The following CACNA1H variants were observed in gnomAD, a reference collection of about 807,000 sequenced individuals.
CACNA1H encodes the protein voltage-dependent T-type calcium channel subunit alpha-1H.
A neutral mutation model predicts 192.5 loss-of-function variants in CACNA1H; 149 were observed. That is an observed-to-expected ratio of 0.77 (90% confidence interval 0.68 to 0.89). The LOEUF (loss-of-function observed/expected upper bound fraction) is 0.89. Among genes scored for constraint, CACNA1H ranks in the 40% least tolerant of loss-of-function variants. The probability of loss-of-function intolerance (pLI) is 0.00; values close to 1 mark genes in which losing one functional copy is unlikely to be tolerated. For synonymous variants in CACNA1H, 2,202 were observed against 1,475.2 expected (o/e 1.49, Z -11.29); for missense variants, 4,257 against 3,423.5 (o/e 1.24, Z -6.08).
intron 7 of CACNA1H, 71 bp from the exon 8 acceptor site, chr16:1,200,645 C>T (rs1204664872): frequency 6.3e-7 from 1 of 1,585,544 alleles, no homozygotes; most frequent in African/African-American, 1.3e-5. Context: ...CCCCCCCCAG[C>T]CCAGACCCCA....
In CACNA1H at chr16:1,200,345, G is replaced by A; in HGVS notation, c.893G>A (p.Gly298Asp). The change falls in exon 7 of 35, where the codon GGC (glycine) becomes GAC (aspartate). Residue 298 changes from glycine (G) to aspartate (D), a missense_variant. By Grantham distance (94) the Gly-to-Asp change is moderately conservative (BLOSUM62 -1). Transcript: ENST00000348261. ...ATCTGCTCCTCACGCCGAGACAACGGCATGCAGAAGTGCTCGCACATCCCC... is the reference window on the plus strand; with the variant it reads ...ATCTGCTCCTCACGCCGAGACAACGACATGCAGAAGTGCTCGCACATCCCC... Reference protein sequence around the residue: ...PFICSSRRDNGMQKCSHIPGR... With the variant: ...PFICSSRRDNDMQKCSHIPGR... The A allele has an allele frequency of 6.2e-7, 1 of 1,601,934 alleles. No individual in the cohort carries two copies. Among genetic ancestry groups the A allele is most frequent in the Non-Finnish European group, 8.5e-7 (1 of 1,174,912 alleles).
chr16:1,210,370 G>T lies in CACNA1H; in HGVS notation c.3846G>T (p.Arg1282=). Residue 1282 remains arginine, a splice_region_variant and synonymous_variant, in exon 19 of 35, where the codon CGG becomes CGT. Transcript: ENST00000348261. ...CTCTCACCCGCCCCCGCCCACCCAG[G>T]TTCCGCGTCTCCTGCCAGAAGGTCA... The part of the protein sequence containing the change: ...WALYLFSPQN[R]FRVSCQKVIT... 4 of 500,888 alleles carry T rather than the reference G, an allele frequency of 8.0e-6. No individual in the cohort carries two copies. Among genetic ancestry groups the T allele is most frequent in the Non-Finnish European group, 1.4e-5 (4 of 283,788 alleles). 31.0% of individuals were successfully genotyped at this position (500,888 alleles called of 1,614,324 possible). A position where few individuals can be genotyped will look rare whatever the true frequency, so the allele number is the denominator to read the frequency against.
intron 6 of CACNA1H, among the ~76,000 whole-genome samples, chr16:1,199,736 G>C (rs538704499): frequency 1.4e-5 from 2 of 145,278 alleles, no homozygotes; most frequent in South Asian, 4.5e-4. Context: ...AGGGTCCCCT[G>C]AGCCCACACC....
rs149367557 is a variant in CACNA1H, at chr16:1,215,066, G to A, written c.5024G>A (p.Arg1675Gln). ...AAGCTGGTAGCATTTGGGTTCCGTCGGTTCTTCAAGGACAGGTGTGTGTGG... is the reference window on the plus strand; with the variant it reads ...AAGCTGGTAGCATTTGGGTTCCGTCAGTTCTTCAAGGACAGGTGTGTGTGG... ...ALKLVAFGFRRFFKDRWNQLD... is the reference protein window; with the variant it reads ...ALKLVAFGFRQFFKDRWNQLD... The change falls in exon 28 of 35, where the codon CGG becomes CAG. Residue 1675 changes from arginine to glutamine, a missense_variant. By Grantham distance (43) the Arg-to-Gln change is conservative. Transcript: ENST00000348261. The A allele has an allele frequency of 9.6e-5, 155 of 1,611,924 alleles. No homozygotes were observed. Among genetic ancestry groups the A allele is most frequent in the East Asian group, 2.5e-4 (11 of 44,810 alleles).
chr16:1,180,670 T>TGGGCAGGGCG lies in CACNA1H; in HGVS notation c.300-14293_300-14284dup, dbSNP rs1326388208. Reference sequence around the variant, plus strand: ...TTCCCGGGGCAGGTAGGGAGGGGCCTGGGCAGGGCGGGGCAGGGAGGGATG... The same window carrying TGGGCAGGGCG: ...TTCCCGGGGCAGGTAGGGAGGGGCCTGGGCAGGGCGGGGCAGGGCGGGGCAGGGAGGGATG... On this transcript the variant is annotated intron_variant, in intron 2 of 34. Transcript: ENST00000348261. The surrounding 1 kb of genome is among the most constrained non-coding windows in gnomAD (Gnocchi z 4.4). 9.8e-6 allele frequency among the ~76,000 whole-genome samples: 1 copy of TGGGCAGGGCG among 101,690 alleles called. No homozygotes were observed. Among genetic ancestry groups the TGGGCAGGGCG allele is most frequent in the African/African-American group, 3.7e-5 (1 of 27,166 alleles). 66.7% of individuals were successfully genotyped at this position (101,690 alleles called of 152,430 possible). A position where few individuals can be genotyped will look rare whatever the true frequency, so the allele number is the denominator to read the frequency against.
At chr16:1,198,526 ACGGGGCTCGGGGGTCC>A (rs1967272468) in intron 5 of CACNA1H, 73 bp from the exon 6 acceptor site, 6 of 1,439,812 alleles carry the variant, frequency 4.2e-6, no homozygotes, top group Admixed American at 1.7e-5. Flanking sequence ...TGAACAGTGG[ACGGGGCTCGGGGGTCC>A]CGGGAGGGGC....
Position 1,221,098 on chromosome 16 carries a change from C to A in CACNA1H, c.*104C>A. 1.1e-6 allele frequency: 1 copy of A among 904,758 alleles called. No homozygotes were observed. Among genetic ancestry groups the A allele is most frequent in the Non-Finnish European group, 1.6e-6 (1 of 611,482 alleles). The allele number at this position is 904,758 out of a possible 1,614,324, so 56.0% of individuals were successfully genotyped here. A position where few individuals can be genotyped will look rare whatever the true frequency, so the allele number is the denominator to read the frequency against. ...GCATGGACCCTGACTTGGGTCCCGT[C>A]GTGAGCAGAAAGGCCCGGGGAGGAT... On this transcript the variant is annotated 3_prime_UTR_variant, in exon 35 of 35. Transcript: ENST00000348261.
intron 1 of CACNA1H, 46 bp downstream of exon 1, chr16:1,153,516 G>A (rs1488446229): frequency 3.5e-6 from 1 of 285,884 alleles, no homozygotes; most frequent in Non-Finnish European, 6.4e-6. Flanking sequence ...TTCAACTTGC[G>A]CGAAGCGGGC....
intron 4 of CACNA1H, 21 bp downstream of exon 4, chr16:1,195,586 GC>G: frequency 6.3e-7 from 1 of 1,583,512 alleles, no homozygotes; most frequent in South Asian, 1.2e-5. Context: ...CCTGGGAGAG[GC>G]CACAGCGCTG....
chr16:1,210,094 C>G lies in CACNA1H; in HGVS notation c.3804C>G (p.Ser1268Arg), dbSNP rs750607074. The G allele has an allele frequency of 2.6e-6, 4 of 1,559,952 alleles. No individual in the cohort carries two copies. The South Asian group carries it at 4.7e-5, about 18-fold the overall frequency. ...CCTACAAGCCCCAGTGGTGCCGGAG[C>G]CGCGAGGCCTGGGCCCTCTACCTCT... Reference protein sequence around the residue: ...LEPYKPQWCRSREAWALYLFS... With the variant: ...LEPYKPQWCRRREAWALYLFS... Residue 1268 changes from serine (S) to arginine (R), a missense_variant, in exon 18 of 35, where the codon AGC becomes AGG. Coordinates refer to ENST00000348261, the MANE Select transcript of CACNA1H (RefSeq NM_021098.3).
rs1424923427 is a variant in CACNA1H, at chr16:1,200,313, C to T, written c.861C>T (p.Asn287=). ...ACCAGACGGAGGAGGGCGAGGAGAA[C>T]CCGTTCATCTGCTCCTCACGCCGAG... ...PYYQTEEGEE[N]PFICSSRRDN... is the part of the protein sequence containing the mutation. Residue 287 remains asparagine (N), a synonymous_variant, in exon 7 of 35, where the codon AAC becomes AAT. Coordinates refer to ENST00000348261, the MANE Select transcript of CACNA1H (RefSeq NM_021098.3). The T allele has an allele frequency of 8.7e-6, 14 of 1,606,260 alleles. No homozygotes were observed. In the East Asian group the frequency reaches 2.0e-4, roughly 23 times the overall value.
chr16:1,188,863 G>A (rs1167441273), intron 2 of CACNA1H, among the ~76,000 whole-genome samples: 3 of 152,172 alleles, frequency 2.0e-5, no homozygotes, highest in Non-Finnish European at 2.9e-5. Flanking sequence ...AGGCCCAGGC[G>A]AGGCTGCTGA....
intron 2 of CACNA1H, among the ~76,000 whole-genome samples, chr16:1,168,484 C>A (rs1160100962): frequency 6.6e-6 from 1 of 152,024 alleles, no homozygotes; most frequent in Non-Finnish European, 1.5e-5. Context: ...GGGGACCCTC[C>A]AGCTTCCCTG....
At chr16:1,175,127 G>A (rs1056318659) in intron 2 of CACNA1H, among the ~76,000 whole-genome samples, 10 of 151,934 alleles carry the variant, frequency 6.6e-5, no homozygotes, top group African/African-American at 2.2e-4. Context: ...GCAGGCCAAC[G>A]CCCACTGCCC....
chr16:1,219,196 C>G, intron 34 of CACNA1H, 66 bp downstream of exon 34: 3 of 1,416,958 alleles, frequency 2.1e-6, no homozygotes, highest in Non-Finnish European at 9.4e-7. Flanking sequence ...GATGCCTCGT[C>G]TCATCTGAAG....
chr16:1,208,559 G>A (rs1173937596), intron 16 of CACNA1H, among the ~76,000 whole-genome samples: 1 of 152,202 alleles, frequency 6.6e-6, no homozygotes, highest in Admixed American at 6.5e-5. Context: ...GCCACCAGAA[G>A]CAGCCCGATT....
chr16:1,214,169 G>A (rs1319064332), intron 27 of CACNA1H, among the ~76,000 whole-genome samples: 1 of 152,126 alleles, frequency 6.6e-6, no homozygotes, highest in African/African-American at 2.4e-5. Context: ...GGGCTGGCGG[G>A]AGGTGAGTGT....
intron 5 of CACNA1H, among the ~76,000 whole-genome samples, chr16:1,197,770 A>G (rs1480937527): frequency 6.6e-6 from 1 of 152,124 alleles, no homozygotes; most frequent in Non-Finnish European, 1.5e-5. Context: ...GCTGGGTGAG[A>G]ACTCAGCGTC....
At chr16:1,174,126 A>T (rs1308838441) in intron 2 of CACNA1H, among the ~76,000 whole-genome samples, 1 of 152,170 alleles carries the variant, frequency 6.6e-6, no homozygotes. Flanking sequence ...CCCACCACAG[A>T]GCCGTGGCCC....
Sources: gnomAD v4.1 joint callset for allele counts (sites outside exome capture counted in the v4.1 genomes callset) on GRCh38, gnomAD v4.1.1 for gene constraint, Gnocchi (gnomAD v3.1) non-coding constraint, MANE v1.5 for transcripts, NCBI Gene and HGNC (gene_info 2026-07-23, HGNC 2026-07-21) for gene names.